The following LARP1B variants were observed in gnomAD, a reference collection of about 807,000 sequenced individuals.
The protein encoded by LARP1B is la-related protein 1B.
LARP1B carries 76 observed loss-of-function variants against 114.2 expected under a neutral mutation model. The observed-to-expected ratio is 0.67, with a 90% CI of 0.55 to 0.81. The LOEUF (loss-of-function observed/expected upper bound fraction) is 0.81, where lower values mean the gene tolerates loss of function less well. Ranked by LOEUF, LARP1B falls within the 30% of genes least tolerant of loss-of-function variation. LARP1B has a pLI of 0.00. For synonymous variants in LARP1B, 345 were observed against 348.0 expected (o/e 0.99, Z 0.10); for missense variants, 1,014 against 1,075.8 (o/e 0.94, Z 0.80).
intron 5 of LARP1B, among the ~76,000 whole-genome samples, chr4:128,084,044 G>T (rs1424215873): frequency 1.3e-5 from 2 of 152,046 alleles, no homozygotes; most frequent in Non-Finnish European, 2.9e-5. Flanking sequence ...GGGCAGAGAC[G>T]CTCCTCACTT....
rs1393046100 is a variant in LARP1B at position 128,210,748 on chromosome 4, T to C, written c.*695T>C. The C allele has an allele frequency of 2.0e-6, 2 of 985,278 alleles. No individual in the cohort carries two copies. The highest frequency in any genetic ancestry group is 2.4e-6 in the Non-Finnish European group (2 of 829,778). 61.0% of individuals were successfully genotyped at this position (985,278 alleles called of 1,614,324 possible). On this transcript the variant is annotated 3_prime_UTR_variant, in exon 20 of 20. Transcript: ENST00000326639. Reference sequence around the variant, plus strand: ...TCTCATGATTTCCACAGTTGTTGTATTGGTGTGGAGTTTTCTGAATTGGCT... The same window carrying C: ...TCTCATGATTTCCACAGTTGTTGTACTGGTGTGGAGTTTTCTGAATTGGCT...
intron 8 of LARP1B, among the ~76,000 whole-genome samples, chr4:128,105,410 T>A (rs967963018): frequency 6.6e-6 from 1 of 152,194 alleles, no homozygotes; most frequent in Non-Finnish European, 1.5e-5. Context: ...TGTTTGCTAC[T>A]GGGGTGTCAT....
At chr4:128,183,025 T>A (rs773966901) in intron 15 of LARP1B, among the ~76,000 whole-genome samples, 5 of 152,102 alleles carry the variant, frequency 3.3e-5, no homozygotes. Flanking sequence ...CAGAAGTTGG[T>A]TAATGAGGTT....
intron 15 of LARP1B, among the ~76,000 whole-genome samples, chr4:128,197,478 G>A (rs774498235): frequency 6.6e-6 from 1 of 152,064 alleles, no homozygotes; most frequent in East Asian, 1.9e-4. Context: ...GGCAGATCAC[G>A]AGGTCAAGAG....
intron 7 of LARP1B, among the ~76,000 whole-genome samples, chr4:128,094,092 A>C (rs1181240281): frequency 6.7e-6 from 1 of 150,264 alleles, no homozygotes; most frequent in Non-Finnish European, 1.5e-5. Flanking sequence ...TTGAGATGCT[A>C]ATTTTTGTAT....
Position 128,175,004 on chromosome 4 carries a change from G to A in LARP1B, c.1649-1868G>A, listed in dbSNP as rs74999462. ...AACATTGCAATTGACTGATAACACC[G>A]TTAAGTTAATCTTAATCTATAATGA... On this transcript the variant is annotated intron_variant, in intron 12 of 19. Transcript: ENST00000326639. Among the ~76,000 whole-genome samples the A allele has an allele frequency of 3.1e-3, 479 of 152,138 alleles. 4 individuals are homozygous for A. The highest frequency in any genetic ancestry group is 0.011 in the African/African-American group (447 of 41,542).
In LARP1B at chr4:128,211,938, A is replaced by G. The variant is rs1759048821; in HGVS notation, c.*1885A>G. The G allele has an allele frequency of 3.9e-6, 1 of 255,644 alleles. No individual in the cohort carries two copies. Among genetic ancestry groups the G allele is most frequent in the Non-Finnish European group, 6.1e-6 (1 of 162,762 alleles). The allele number at this position is 255,644 out of a possible 1,614,324, so 15.8% of individuals were successfully genotyped here. On this transcript the variant is annotated 3_prime_UTR_variant, in exon 20 of 20. Coordinates refer to ENST00000326639, the MANE Select transcript of LARP1B (RefSeq NM_018078.4). ...ACATGTACATTGGGAAATTTAGAAA[A>G]GCACAAAGAAGAAAATAAAGTACTT...
At chr4:128,077,104 G>A (rs774170679) in intron 3 of LARP1B, among the ~76,000 whole-genome samples, 3 of 152,086 alleles carry the variant, frequency 2.0e-5, no homozygotes, top group Non-Finnish European at 4.4e-5. Context: ...TCCCATTGCA[G>A]TTTTAATTTG....
chr4:128,191,005 C>A (rs1752099643), intron 15 of LARP1B, among the ~76,000 whole-genome samples: 1 of 152,040 alleles, frequency 6.6e-6, no homozygotes, highest in Non-Finnish European at 1.5e-5. Context: ...TTCTTTTTCT[C>A]CTCTGACTGT....
chr4:128,066,698 G>A (rs773931551), intron 1 of LARP1B, among the ~76,000 whole-genome samples: 1 of 151,594 alleles, frequency 6.6e-6, no homozygotes, highest in Non-Finnish European at 1.5e-5. Context: ...GGCTGGTCTC[G>A]ACTTCCTGAC....
chr4:128,155,877 G>C, intron 11 of LARP1B: 1 of 1,553,974 alleles, frequency 6.4e-7, no homozygotes, highest in Non-Finnish European at 8.9e-7. Context: ...GCCTGGAGCT[G>C]GTGCTGGAAG....
chr4:128,074,673 CTCTA>C (rs1328282949), intron 2 of LARP1B, among the ~76,000 whole-genome samples, 155 bp downstream of exon 2: 2 of 152,096 alleles, frequency 1.3e-5, no homozygotes, highest in African/African-American at 4.8e-5. Context: ...TTATCCAAAT[CTCTA>C]TATATGCCTT....
intron 11 of LARP1B, chr4:128,156,154 G>A (rs1273539118): frequency 1.1e-5 from 18 of 1,610,600 alleles, no homozygotes; most frequent in East Asian, 2.2e-5. Flanking sequence ...CAGCAGCAGC[G>A]GAGACCCATC....
intron 11 of LARP1B, among the ~76,000 whole-genome samples, chr4:128,134,226 C>A (rs1792528514): frequency 6.6e-6 from 1 of 151,938 alleles, no homozygotes; most frequent in South Asian, 2.1e-4. Flanking sequence ...GTTTCAAACT[C>A]CTGGCCTTAA....
At chr4:128,180,114 T>C (rs1747830795) in intron 15 of LARP1B, among the ~76,000 whole-genome samples, 1 of 152,148 alleles carries the variant, frequency 6.6e-6, no homozygotes, top group Admixed American at 6.6e-5. Context: ...TGCTTTGTGA[T>C]GCTTTTTTTA....
chr4:128,127,085 C>T (rs2150063071), intron 11 of LARP1B, among the ~76,000 whole-genome samples: 1 of 152,236 alleles, frequency 6.6e-6, no homozygotes, highest in South Asian at 2.1e-4. Flanking sequence ...GGAATGATAG[C>T]TTTAATTTGC....
intron 11 of LARP1B, among the ~76,000 whole-genome samples, chr4:128,143,796 G>GGTGGGTGTGTGTGTGTGTGT (rs1554039024): frequency 6.8e-6 from 1 of 147,844 alleles, no homozygotes. Context: ...TAAGGCACAG[G>GGTGGGTGTGTGTGTGTGTGT]GTGTGTGTGT....
At chr4:128,090,936 T>C in intron 5 of LARP1B, 65 bp from the exon 6 acceptor site, 1 of 1,285,736 alleles carries the variant, frequency 7.8e-7, no homozygotes, top group Non-Finnish European at 1.1e-6. Context: ...TATGTTTTCA[T>C]AAAGACAATC....
At chr4:128,077,639 A>T in intron 3 of LARP1B, 149 bp from the exon 4 acceptor site, 2 of 753,900 alleles carry the variant, frequency 2.7e-6, no homozygotes, top group Non-Finnish European at 4.0e-6. Flanking sequence ...CTTTACTTTT[A>T]ACTGTCTTTT....
Sources: allele counts gnomAD v4.1 joint callset (sites outside exome capture counted in the v4.1 genomes callset), GRCh38; gene constraint gnomAD v4.1.1; transcripts MANE v1.5; gene names NCBI Gene and HGNC (gene_info 2026-07-23, HGNC 2026-07-21).